The following CDKAL1 variants were observed in gnomAD, a reference collection of about 807,000 sequenced individuals.
CDKAL1 encodes the protein threonylcarbamoyladenosine tRNA methylthiotransferase.
CDKAL1 carries 32 observed loss-of-function variants against 68.2 expected under a neutral mutation model. The observed-to-expected ratio is 0.47, with a 90% CI of 0.35 to 0.63. The LOEUF (loss-of-function observed/expected upper bound fraction) is 0.63, where lower values mean the gene tolerates loss of function less well. Among genes scored for constraint, CDKAL1 ranks in the 30% least tolerant of loss-of-function variants. CDKAL1 has a pLI of 0.00. For synonymous variants in CDKAL1, 234 were observed against 244.3 expected (o/e 0.96, Z 0.39); for missense variants, 606 against 696.7 (o/e 0.87, Z 1.47).
In CDKAL1 at chr6:20,835,481, T is replaced by TTTGTCTTGTCTTGTCTTGTC. The variant is rs143490469; in HGVS notation, c.639-10571_639-10552dup. Among the ~76,000 whole-genome samples the TTTGTCTTGTCTTGTCTTGTC allele has an allele frequency of 5.6e-3, 840 of 149,768 alleles. 11 individuals carry two copies. The highest frequency in any genetic ancestry group is 0.019 in the African/African-American group (784 of 40,666). On this transcript the variant is annotated intron_variant, in intron 8 of 15. Transcript: ENST00000274695. ...AACTCCTTTGCTTTGCTTTGCTTTG[T>TTTGTCTTGTCTTGTCTTGTC]TTGTCTTGTCTTGTCTTGTCTTGTC... is the stretch of plus-strand genomic sequence containing the variant.
intron 13 of CDKAL1, among the ~76,000 whole-genome samples, chr6:21,187,452 C>G (rs993248559): frequency 2.0e-5 from 3 of 152,218 alleles, no homozygotes; most frequent in African/African-American, 4.8e-5. Context: ...CTTATCCATC[C>G]TTTCTCATAA....
intron 4 of CDKAL1, among the ~76,000 whole-genome samples, chr6:20,557,569 G>A (rs1161528405): frequency 6.6e-6 from 1 of 151,958 alleles, no homozygotes; most frequent in Non-Finnish European, 1.5e-5. Context: ...GTATATATAT[G>A]TGAATACATA....
chr6:21,080,783 C>T (rs1017830775), intron 12 of CDKAL1, among the ~76,000 whole-genome samples: 1 of 152,128 alleles, frequency 6.6e-6, no homozygotes, highest in African/African-American at 2.4e-5. Flanking sequence ...TGTAGACTAA[C>T]TTCGGGATGG....
intron 10 of CDKAL1, among the ~76,000 whole-genome samples, chr6:20,975,019 A>T (rs1169631747): frequency 6.6e-6 from 1 of 150,914 alleles, no homozygotes; most frequent in Non-Finnish European, 1.5e-5. Flanking sequence ...AACAAATAAG[A>T]TATTTGGACC....
chr6:21,039,129 A>G (rs1400431636), intron 11 of CDKAL1, among the ~76,000 whole-genome samples: 1 of 152,162 alleles, frequency 6.6e-6, no homozygotes, highest in African/African-American at 2.4e-5. Context: ...AGCAAGCATT[A>G]CTGCCCAAGC....
At chr6:20,585,994 C>T (rs756998502) in intron 4 of CDKAL1, among the ~76,000 whole-genome samples, 2 of 152,264 alleles carry the variant, frequency 1.3e-5, no homozygotes, top group Non-Finnish European at 1.5e-5. Flanking sequence ...CTTCATATCT[C>T]AGTAAAAGGA....
intron 13 of CDKAL1, among the ~76,000 whole-genome samples, chr6:21,197,745 T>C (rs1170901206): frequency 1.3e-5 from 2 of 152,240 alleles, no homozygotes; most frequent in African/African-American, 4.8e-5. Flanking sequence ...CTTACTTATG[T>C]TGAAGGAGAT....
intron 4 of CDKAL1, among the ~76,000 whole-genome samples, chr6:20,582,350 A>G (rs1479979773): frequency 6.6e-6 from 1 of 152,340 alleles, no homozygotes; most frequent in African/African-American, 2.4e-5. Context: ...TAACTTGAAT[A>G]TGTAAACTTT....
At chr6:20,984,477 C>T (rs763058598) in intron 10 of CDKAL1, among the ~76,000 whole-genome samples, 8 of 152,150 alleles carry the variant, frequency 5.3e-5, no homozygotes, top group Non-Finnish European at 7.4e-5. Context: ...CTTTGCCATT[C>T]GTGGACGGCT....
At chr6:20,590,623 G>A (rs567179338) in intron 4 of CDKAL1, among the ~76,000 whole-genome samples, 8 of 151,858 alleles carry the variant, frequency 5.3e-5, no homozygotes, top group South Asian at 2.1e-4. Flanking sequence ...TTTTCTGTTC[G>A]TGTGTTAGTT....
intron 9 of CDKAL1, among the ~76,000 whole-genome samples, chr6:20,908,542 A>G (rs953356805): frequency 5.9e-5 from 9 of 152,238 alleles, no homozygotes; most frequent in Non-Finnish European, 1.2e-4. Flanking sequence ...TAAACCAACT[A>G]TGTGACTTTG....
At chr6:20,554,468 A>G (rs924922091) in intron 4 of CDKAL1, among the ~76,000 whole-genome samples, 6 of 152,216 alleles carry the variant, frequency 3.9e-5, no homozygotes, top group Non-Finnish European at 1.5e-5. Flanking sequence ...TCTTGAGAAT[A>G]CATTTAGTAT....
intron 9 of CDKAL1, among the ~76,000 whole-genome samples, chr6:20,867,405 T>G (rs1018879940): frequency 5.9e-5 from 9 of 152,200 alleles, no homozygotes; most frequent in African/African-American, 2.2e-4. Flanking sequence ...TTCTAACATG[T>G]AAAAAGTGTG....
intron 10 of CDKAL1, among the ~76,000 whole-genome samples, chr6:20,970,794 A>G (rs1024262078): frequency 1.3e-5 from 2 of 152,168 alleles, no homozygotes; most frequent in African/African-American, 4.8e-5. Context: ...ATAATATGGC[A>G]TAGATAGACT....
chr6:21,118,338 T>C (rs1016237910), intron 13 of CDKAL1, among the ~76,000 whole-genome samples: 2 of 152,194 alleles, frequency 1.3e-5, no homozygotes, highest in African/African-American at 4.8e-5. Context: ...AAGGGTCCTG[T>C]GATTGGTAGT....
intron 9 of CDKAL1, among the ~76,000 whole-genome samples, chr6:20,950,084 T>A (rs1382013720): frequency 6.6e-6 from 1 of 151,604 alleles, no homozygotes; most frequent in East Asian, 1.9e-4. Flanking sequence ...GCGCCCGGCC[T>A]CAAAGAGGTA....
At chr6:21,108,345 C>A in intron 12 of CDKAL1, 56 bp from the exon 13 acceptor site, 1 of 1,127,740 alleles carries the variant, frequency 8.9e-7, no homozygotes, top group Non-Finnish European at 1.3e-6. Flanking sequence ...TTTTTATCTG[C>A]TGTCAACTCA....
chr6:21,114,872 T>G, intron 13 of CDKAL1, among the ~76,000 whole-genome samples: 1 of 152,346 alleles, frequency 6.6e-6, no homozygotes, highest in Non-Finnish European at 1.5e-5. Context: ...TGATATATAT[T>G]TCAATAATCA....
chr6:20,904,716 G>A lies in CDKAL1; in HGVS notation c.743-50703G>A, dbSNP rs1467636366. On this transcript the variant is annotated intron_variant, in intron 9 of 15. Coordinates refer to ENST00000274695, the MANE Select transcript of CDKAL1 (RefSeq NM_017774.3). The stretch of plus-strand genomic sequence containing the variant: ...AGGCAGGAGGATTGCTTGAACCCAG[G>A]AGGCGGAGGTTGCGGCGAGCCGAGA... Among the ~76,000 whole-genome samples, 3 of 152,030 alleles carry A rather than the reference G, an allele frequency of 2.0e-5. No individual in the cohort carries two copies. The East Asian group carries it at 5.8e-4, about 29-fold the overall frequency.
Sources: gnomAD v4.1 joint callset for allele counts (sites outside exome capture counted in the v4.1 genomes callset) on GRCh38, gnomAD v4.1.1 for gene constraint, MANE v1.5 for transcripts, NCBI Gene and HGNC (gene_info 2026-07-23, HGNC 2026-07-21) for gene names.